The following PDE4D variants were observed in gnomAD, a reference collection of about 807,000 sequenced individuals.
PDE4D encodes the protein 3',5'-cyclic-AMP phosphodiesterase 4D.
Under a neutral mutation model 87.4 loss-of-function variants are expected in PDE4D, and 24 were observed. That is an observed-to-expected ratio of 0.27 (90% CI 0.20 to 0.39). The LOEUF is 0.39. Ranked by LOEUF, PDE4D falls within the 10% of genes least tolerant of loss-of-function variation. PDE4D has a pLI of 1.00. For synonymous variants in PDE4D, 384 were observed against 383.2 expected, an observed-to-expected ratio of 1.00 and a Z score of -0.02; for missense variants, 714 against 1,041.0, an observed-to-expected ratio of 0.69 and a Z score of 4.32.
chr5:59,099,641 T>TG (rs1295513221), intron 5 of PDE4D, among the ~76,000 whole-genome samples: 1 of 152,208 alleles, frequency 6.6e-6, no homozygotes, highest in Non-Finnish European at 1.5e-5. Context: ...ACTTCATGAG[T>TG]GACTCTAGAT....
intron 1 of PDE4D, among the ~76,000 whole-genome samples, chr5:59,704,640 G>A (rs1388032718): frequency 6.6e-6 from 1 of 152,186 alleles, no homozygotes; most frequent in East Asian, 1.9e-4. Flanking sequence ...TGAATCCAGT[G>A]AGATTAACTG....
chr5:59,549,699 C>T (rs1370925552), intron 1 of PDE4D, among the ~76,000 whole-genome samples: 1 of 152,100 alleles, frequency 6.6e-6, no homozygotes, highest in Non-Finnish European at 1.5e-5. Flanking sequence ...ACCCACTCCA[C>T]AGCAAAACAG....
chr5:59,995,228 A>G (rs1047645033), intron 2 of PDE4D, among the ~76,000 whole-genome samples: 1 of 151,680 alleles, frequency 6.6e-6, no homozygotes, highest in Non-Finnish European at 1.5e-5. Context: ...ATTTAGTCTC[A>G]TTGCTGGCTC....
At chr5:60,149,897 A>G (rs1304451458) in intron 2 of PDE4D, among the ~76,000 whole-genome samples, 11 of 147,490 alleles carry the variant, frequency 7.5e-5, no homozygotes, top group Non-Finnish European at 1.6e-4. Context: ...TACATATTAT[A>G]TATACTAGTA....
chr5:59,936,405 C>T (rs1228720670), intron 3 of PDE4D, among the ~76,000 whole-genome samples: 2 of 152,010 alleles, frequency 1.3e-5, no homozygotes, highest in African/African-American at 4.8e-5. Context: ...TTCTAGACTC[C>T]CTGATCAGCA....
chr5:59,069,482 T>A (rs144726784), intron 5 of PDE4D, among the ~76,000 whole-genome samples: 1 of 152,014 alleles, frequency 6.6e-6, no homozygotes, highest in East Asian at 1.9e-4. Flanking sequence ...TTACTCATCC[T>A]ATCTGTAGAC....
intron 1 of PDE4D, among the ~76,000 whole-genome samples, chr5:59,512,829 C>T (rs1810498048): frequency 6.6e-6 from 1 of 151,958 alleles, no homozygotes; most frequent in South Asian, 2.1e-4. Flanking sequence ...TGCCACTGAA[C>T]AGACAAGTAT....
chr5:59,612,945 A>G (rs1369912303), intron 1 of PDE4D, among the ~76,000 whole-genome samples: 2 of 152,170 alleles, frequency 1.3e-5, no homozygotes, highest in African/African-American at 4.8e-5. Flanking sequence ...AGATTATTAT[A>G]AAGACCTTCA....
chr5:59,786,419 A>G (rs967872840), intron 1 of PDE4D, among the ~76,000 whole-genome samples: 3 of 152,182 alleles, frequency 2.0e-5, no homozygotes, highest in Non-Finnish European at 2.9e-5. Context: ...GCCATAGGGC[A>G]TTAAGAATCC....
chr5:60,084,403 T>TGC (rs966512304), intron 2 of PDE4D, among the ~76,000 whole-genome samples: 3 of 151,120 alleles, frequency 2.0e-5, no homozygotes, highest in Admixed American at 1.3e-4. Flanking sequence ...TGTGTGTGTG[T>TGC]GTGCGCGCGC....
chr5:58,988,570 A>G lies in PDE4D; in HGVS notation c.1475T>C (p.Ile492Thr). The change falls in exon 11 of 15, where the codon ATT (isoleucine) becomes ACT (threonine). Residue 492 changes from isoleucine (I) to threonine (T), a missense_variant. Ile to Thr is a moderately conservative substitution (Grantham distance 89). Transcript: ENST00000340635. ...ALEAVFTDLE[I>T]LAAIFASAIH... is the part of the protein sequence containing the mutation. ...TGCACTGGCAAAAATTGCTGCAAGA[A>G]TCTCCAAATCTGTAAACACAGCCTG... 1 of 1,494,804 alleles carries G rather than the reference A, an allele frequency of 6.7e-7. No homozygotes were observed. Among genetic ancestry groups the G allele is most frequent in the Non-Finnish European group, 9.0e-7 (1 of 1,112,350 alleles). 92.6% of individuals were successfully genotyped at this position (1,494,804 alleles called of 1,614,324 possible).
chr5:60,138,631 T>C (rs959028628), intron 2 of PDE4D, among the ~76,000 whole-genome samples: 1 of 152,090 alleles, frequency 6.6e-6, no homozygotes, highest in South Asian at 2.1e-4. Flanking sequence ...CTTTGAATTA[T>C]ATACGTTCTC....
At chr5:59,200,214 CGTGTATGTATACATACATAT>C (rs1746781097) in intron 2 of PDE4D, among the ~76,000 whole-genome samples, 1 of 140,612 alleles carries the variant, frequency 7.1e-6, no homozygotes, top group African/African-American at 2.7e-5. Context: ...TATAGATACA[CGTGTATGTATACATACATAT>C]GTGTATGTAC....
At chr5:59,426,115 C>T (rs910114857) in intron 1 of PDE4D, among the ~76,000 whole-genome samples, 5 of 152,138 alleles carry the variant, frequency 3.3e-5, no homozygotes, top group Non-Finnish European at 7.4e-5. Flanking sequence ...TGAGATAACA[C>T]AGTGAGAAGG....
intron 1 of PDE4D, among the ~76,000 whole-genome samples, chr5:60,516,301 C>G (rs1051808707): frequency 6.6e-6 from 1 of 152,204 alleles, no homozygotes; most frequent in African/African-American, 2.4e-5. Context: ...GGCTTTAGCT[C>G]AGGAAGGGCA....
chr5:59,455,421 C>T (rs1217215944), intron 1 of PDE4D, among the ~76,000 whole-genome samples: 1 of 152,230 alleles, frequency 6.6e-6, no homozygotes, highest in African/African-American at 2.4e-5. Flanking sequence ...GTTGAGCCTG[C>T]AGGTGCACAG....
At chr5:60,058,092 C>T (rs961969674) in intron 2 of PDE4D, among the ~76,000 whole-genome samples, 2 of 151,796 alleles carry the variant, frequency 1.3e-5, no homozygotes, top group Admixed American at 6.6e-5. Flanking sequence ...GCAAGGTACC[C>T]GAAATTGAGG....
At chr5:60,288,572 T>C (rs1562291637) in intron 1 of PDE4D, among the ~76,000 whole-genome samples, 1 of 152,184 alleles carries the variant, frequency 6.6e-6, no homozygotes, top group South Asian at 2.1e-4. Context: ...TAACTAGTGA[T>C]ATGTATGAAA....
At chr5:59,487,263 T>TG (rs1805317297) in intron 1 of PDE4D, among the ~76,000 whole-genome samples, 1 of 151,672 alleles carries the variant, frequency 6.6e-6, no homozygotes, top group African/African-American at 2.4e-5. Context: ...TCAAGCATCC[T>TG]GGGAAAGGTG....
Sources: allele counts gnomAD v4.1 joint callset (sites outside exome capture counted in the v4.1 genomes callset), GRCh38; gene constraint gnomAD v4.1.1; transcripts MANE v1.5; gene names NCBI Gene and HGNC (gene_info 2026-07-23, HGNC 2026-07-21).